The following LYVE1 variants were observed in gnomAD, a reference collection of about 807,000 sequenced individuals.
The protein encoded by LYVE1 is lymphatic vessel endothelial hyaluronan receptor 1, also known as lymphatic vessel endothelial hyaluronic acid receptor 1.
Under a neutral mutation model 31.5 loss-of-function variants are expected in LYVE1, and 29 were observed. The observed-to-expected ratio is 0.92, with a 90% CI of 0.69 to 1.26. The LOEUF (loss-of-function observed/expected upper bound fraction) is 1.26, where lower values mean the gene tolerates loss of function less well. LYVE1 is among the 50% of genes most tolerant of loss of function. The pLI is 0.00. For synonymous variants in LYVE1, 134 were observed against 139.4 expected, an observed-to-expected ratio of 0.96 and a Z score of 0.27; for missense variants, 376 against 380.2, an observed-to-expected ratio of 0.99 and a Z score of 0.09.
intron 5 of LYVE1, 120 bp from the exon 6 acceptor site, chr11:10,559,417 A>AGC: frequency 1.5e-6 from 1 of 685,366 alleles, no homozygotes; most frequent in Non-Finnish European, 2.5e-6. Flanking sequence ...GAGTGATGCC[A>AGC]GCACATGCAT....
chr11:10,560,573 T>G lies in LYVE1; in HGVS notation c.625A>C (p.Thr209Pro). The G allele has an allele frequency of 6.2e-7, 1 of 1,614,160 alleles. No homozygotes were observed. Among genetic ancestry groups the G allele is most frequent in the Non-Finnish European group, 8.5e-7 (1 of 1,180,002 alleles). ...LICVTEVFME[T>P]STMSTETEPF... The stretch of plus-strand genomic sequence containing the variant: ...TCAGTTTCTGTAGACATGGTGCTAG[T>G]TTCCATAAAAACTTCTGTGACACAA... The change falls in exon 4 of 6, where the codon ACT (threonine) becomes CCT (proline). Residue 209 changes from threonine to proline, a missense_variant. By Grantham distance (38) the Thr-to-Pro change is conservative. Transcript: ENST00000256178.
chr11:10,568,505 G>A lies in LYVE1; in HGVS notation c.28C>T (p.Leu10Phe). The A allele has an allele frequency of 6.2e-7, 1 of 1,613,974 alleles. No homozygotes were observed. The highest frequency in any genetic ancestry group is 2.2e-5 in the East Asian group (1 of 44,876). The change falls in exon 1 of 6, where the codon CTT becomes TTT. Residue 10 changes from leucine (L) to phenylalanine (F), a missense_variant. By Grantham distance (22) the Leu-to-Phe change is conservative. Coordinates refer to ENST00000256178, the MANE Select transcript of LYVE1 (RefSeq NM_006691.4). The stretch of plus-strand genomic sequence containing the variant: ...CTCGTGGTCCAGATGGAAGTGAGAA[G>A]CAACACCAGGCTGAAGCACCTGGCC... MARCFSLVL[L>F]LTSIWTTRLL...
intron 3 of LYVE1, among the ~76,000 whole-genome samples, chr11:10,561,839 A>AG (rs1377813512): frequency 1.3e-5 from 2 of 152,202 alleles, no homozygotes; most frequent in Non-Finnish European, 2.9e-5. Context: ...GGGCTAGCAG[A>AG]GGGATAGCAT....
At position 10,564,317 on chromosome 11, in the gene LYVE1, G is replaced by A. The variant is rs141249676; in HGVS notation, c.143C>T (p.Ala48Val). The change falls in exon 2 of 6, where the codon GCG becomes GTG. Residue 48 changes from alanine (A) to valine (V), a missense_variant. By Grantham distance (64) the Ala-to-Val change is moderately conservative. Coordinates refer to ENST00000256178, the MANE Select transcript of LYVE1 (RefSeq NM_006691.4). ...IMGITLVSKK[A>V]NQQLNFTEAK... ...TTCTGTGAAATTCAGCTGCTGGTTC[G>A]CCTTTTTGCTCACAAGGGTGATCCC... 26 of 1,614,138 alleles carry A rather than the reference G, an allele frequency of 1.6e-5. No individual in the cohort carries two copies. The East Asian group carries it at 2.2e-4, about 14-fold the overall frequency.
Position 10,568,466 on chromosome 11 carries a change from C to A in LYVE1, c.67G>T (p.Gly23Cys). The change falls in exon 1 of 6, where the codon GGC becomes TGC. Residue 23 changes from glycine (G) to cysteine (C), a missense_variant. Coordinates refer to ENST00000256178, the MANE Select transcript of LYVE1 (RefSeq NM_006691.4). Reference sequence around the variant, plus strand: ...AACCTACCTTCTGCACGCAAAGAGCCTTGGACCAGGAGCCTCGTGGTCCAG... The same window carrying A: ...AACCTACCTTCTGCACGCAAAGAGCATTGGACCAGGAGCCTCGTGGTCCAG... ...SIWTTRLLVQ[G>C]SLRAEELSIQ... The A allele has an allele frequency of 1.9e-6, 3 of 1,614,036 alleles. No individual in the cohort carries two copies. The highest frequency in any genetic ancestry group is 2.5e-6 in the Non-Finnish European group (3 of 1,179,928).
chr11:10,559,142 G>C lies in LYVE1; in HGVS notation c.938C>G (p.Thr313Ser), dbSNP rs1850365657. ...NPEESKSPSK[T>S]TVRCLEAEV ...TTCAGCTTCCAGGCATCGCACGGTA[G>C]TTTTGCTTGGACTCTTGGACTCTTC... Residue 313 changes from threonine to serine, a missense_variant, in exon 6 of 6, where the codon ACT (threonine) becomes AGT (serine). Thr to Ser is a moderately conservative substitution (Grantham distance 58). Transcript: ENST00000256178. 3.7e-6 allele frequency: 6 copies of C among 1,614,036 alleles called. No homozygotes were observed. Among genetic ancestry groups the C allele is most frequent in the Non-Finnish European group, 5.1e-6 (6 of 1,180,004 alleles).
At chr11:10,563,850 G>T in intron 3 of LYVE1, 90 bp downstream of exon 3, 1 of 1,507,320 alleles carries the variant, frequency 6.6e-7, no homozygotes, top group Non-Finnish European at 9.2e-7. Context: ...GATTGCTTCT[G>T]CTGCTGCTCA....
chr11:10,568,370 C>G (rs1309841348), intron 1 of LYVE1, 78 bp downstream of exon 1: 1 of 1,460,430 alleles, frequency 6.8e-7, no homozygotes, highest in Admixed American at 1.9e-5. Context: ...CCCTCATTCC[C>G]AGAAATCCAT....
At chr11:10,564,466 C>T (rs1324793578) in intron 1 of LYVE1, 92 bp from the exon 2 acceptor site, 32 of 1,201,298 alleles carry the variant, frequency 2.7e-5, no homozygotes, top group Middle Eastern at 4.3e-4. Flanking sequence ...CGTCCTGATG[C>T]GCAGGGAGGT....
intron 4 of LYVE1, 73 bp downstream of exon 4, chr11:10,560,422 G>C: frequency 7.4e-7 from 1 of 1,352,766 alleles, no homozygotes; most frequent in Non-Finnish European, 1.0e-6. Context: ...TCTAAAGACA[G>C]GCAGGATTCT....
chr11:10,560,002 C>G (rs887275888), intron 4 of LYVE1, 108 bp from the exon 5 acceptor site: 1 of 765,230 alleles, frequency 1.3e-6, no homozygotes, highest in African/African-American at 1.7e-5. Flanking sequence ...GGAGAAAAAC[C>G]TTCTCTGTAG....
intron 1 of LYVE1, 26 bp downstream of exon 1, chr11:10,568,422 G>C (rs369125162): frequency 6.2e-7 from 1 of 1,612,330 alleles, no homozygotes; most frequent in African/African-American, 1.3e-5. Context: ...CCTTGCTTCA[G>C]TTTGGAAATC....
chr11:10,565,384 T>C (rs1850514986), intron 1 of LYVE1, among the ~76,000 whole-genome samples: 1 of 152,240 alleles, frequency 6.6e-6, no homozygotes, highest in Non-Finnish European at 1.5e-5. Context: ...TGTATAAAAT[T>C]GCCAAGTTGT....
intron 1 of LYVE1, among the ~76,000 whole-genome samples, chr11:10,564,587 C>T (rs1402529453): frequency 2.6e-5 from 4 of 152,324 alleles, no homozygotes; most frequent in East Asian, 1.9e-4. Context: ...CTGTAAATGT[C>T]GCCCAATCAA....
rs1564877082 is a variant in LYVE1 at position 10,559,804 on chromosome 11, C to T, written c.782+12G>A. 6.2e-7 allele frequency: 1 copy of T among 1,612,952 alleles called. No homozygotes were observed. The highest frequency in any genetic ancestry group is 8.5e-7 in the Non-Finnish European group (1 of 1,179,034). The stretch of plus-strand genomic sequence containing the variant: ...AAAGATTACAAGACTAGCAGTGCAC[C>T]AACAACCCTACCTTTTGACATAGCA... On this transcript the variant is annotated intron_variant, in intron 5 of 5. Coordinates refer to ENST00000256178, the MANE Select transcript of LYVE1 (RefSeq NM_006691.4).
rs1241350290 is a variant in LYVE1, at chr11:10,560,603, A to AT, written c.594dup (p.Leu199IlefsTer12). 2 of 1,614,104 alleles carry AT rather than the reference A, an allele frequency of 1.2e-6. No homozygotes were observed. Among genetic ancestry groups the AT allele is most frequent in the Non-Finnish European group, 1.7e-6 (2 of 1,179,980 alleles). On this transcript the variant is annotated frameshift_variant, in exon 4 of 6. Coordinates refer to ENST00000256178, the MANE Select transcript of LYVE1 (RefSeq NM_006691.4). LOFTEE classifies it high-confidence loss of function. ...ATAAAAACTTCTGTGACACAAATCA[A>AT]TTTTTTTCTCCGTGGAATAGAAGTG...
At chr11:10,561,439 A>T (rs189788855) in intron 3 of LYVE1, among the ~76,000 whole-genome samples, 8 of 152,296 alleles carry the variant, frequency 5.3e-5, no homozygotes, top group Non-Finnish European at 5.9e-5. Context: ...GACCAAATAT[A>T]CACATGTGGT....
rs1271037437 is a variant in LYVE1 at position 10,558,454 on chromosome 11, G to A, written c.*657C>T. ...CTAAACAGTGATTCCAACTCAATGTGTTCAGAGAAAACACTTTGACCCTGT... is the reference window on the plus strand; with the variant it reads ...CTAAACAGTGATTCCAACTCAATGTATTCAGAGAAAACACTTTGACCCTGT... On this transcript the variant is annotated 3_prime_UTR_variant, in exon 6 of 6. Transcript: ENST00000256178. The A allele has an allele frequency of 6.6e-6, 1 of 152,224 alleles. No homozygotes were observed. Among genetic ancestry groups the A allele is most frequent in the Non-Finnish European group, 1.5e-5 (1 of 68,044 alleles). The allele number at this position is 152,224 out of a possible 1,614,324, so 9.4% of individuals were successfully genotyped here. A position where few individuals can be genotyped will look rare whatever the true frequency, so the allele number is the denominator to read the frequency against.
At chr11:10,563,712 C>A (rs1398819129) in intron 3 of LYVE1, among the ~76,000 whole-genome samples, 2 of 152,158 alleles carry the variant, frequency 1.3e-5, no homozygotes, top group Admixed American at 6.5e-5. Context: ...GTAATTGAGC[C>A]TCCTGAATGT....
Sources: gnomAD v4.1 joint callset for allele counts (sites outside exome capture counted in the v4.1 genomes callset) on GRCh38, gnomAD v4.1.1 for gene constraint, MANE v1.5 for transcripts, NCBI Gene and HGNC (gene_info 2026-07-23, HGNC 2026-07-21) for gene names.